ARHGEF38: variants seen among roughly 807,000 people sequenced by gnomAD.
ARHGEF38 encodes Rho guanine nucleotide exchange factor (GEF) 38.
A neutral mutation model predicts 79.9 loss-of-function variants in ARHGEF38; 79 were observed. The ratio of observed to expected loss-of-function variants is 0.99; its 90% CI spans 0.82 to 1.19. ARHGEF38 has a LOEUF of 1.19. Among genes scored for constraint, ARHGEF38 ranks in the 50% most tolerant of loss-of-function variants. The pLI, the probability that ARHGEF38 is intolerant of heterozygous loss-of-function variation, is 0.00. For synonymous variants in ARHGEF38, 366 were observed against 328.3 expected (o/e 1.11, Z -1.24); for missense variants, 962 against 907.2 (o/e 1.06, Z -0.78).
intron 13 of ARHGEF38, among the ~76,000 whole-genome samples, chr4:105,671,824 G>A (rs944912284): frequency 1.4e-4 from 22 of 152,278 alleles, no homozygotes; most frequent in African/African-American, 5.1e-4. Context: ...GCTGAAACTT[G>A]TACTGGCTTA....
At chr4:105,587,185 G>C (rs1727094411) in intron 1 of ARHGEF38, among the ~76,000 whole-genome samples, 1 of 152,156 alleles carries the variant, frequency 6.6e-6, no homozygotes, top group African/African-American at 2.4e-5. Context: ...GCTCACACTT[G>C]TAATCCCAGT....
intron 5 of ARHGEF38, among the ~76,000 whole-genome samples, chr4:105,642,405 A>G (rs1286199003): frequency 6.6e-6 from 1 of 152,172 alleles, no homozygotes; most frequent in Non-Finnish European, 1.5e-5. Context: ...AAATACTATT[A>G]TTGTCATTTG....
intron 2 of ARHGEF38, among the ~76,000 whole-genome samples, chr4:105,592,596 A>G (rs1727391257): frequency 6.6e-6 from 1 of 151,962 alleles, no homozygotes; most frequent in Admixed American, 6.6e-5. Flanking sequence ...GTGAAGTTCA[A>G]TTTTTCGTCT....
At chr4:105,582,029 G>A (rs1244567318) in intron 1 of ARHGEF38, among the ~76,000 whole-genome samples, 1 of 151,956 alleles carries the variant, frequency 6.6e-6, no homozygotes, top group African/African-American at 2.4e-5. Flanking sequence ...GCTGGGTGTG[G>A]TGGCGGGCGC....
intron 1 of ARHGEF38, among the ~76,000 whole-genome samples, chr4:105,558,272 C>T (rs1037250677): frequency 6.6e-6 from 1 of 152,112 alleles, no homozygotes; most frequent in Admixed American, 6.6e-5. Flanking sequence ...TGTCAGGGAG[C>T]AGAAATTAAC....
Position 105,667,702 on chromosome 4 carries a change from A to G in ARHGEF38, c.2147A>G (p.Gln716Arg). ...GACAGTTTTCAAGAAGTAGACGAAC[A>G]GGTAAAAATTTGATGTAAAAATATG... ...DVDSFQEVDE[Q>R]IFYAVHAFQA... Residue 716 changes from glutamine to arginine, a missense_variant and splice_region_variant, in exon 13 of 14, where the codon CAG (glutamine) becomes CGG (arginine). Coordinates refer to ENST00000420470, the MANE Select transcript of ARHGEF38 (RefSeq NM_001242729.2). 6.5e-7 allele frequency: 1 copy of G among 1,536,146 alleles called. No homozygotes were observed. Among genetic ancestry groups the G allele is most frequent in the South Asian group, 1.2e-5 (1 of 84,052 alleles).
intron 5 of ARHGEF38, among the ~76,000 whole-genome samples, chr4:105,638,682 C>G (rs1034109166): frequency 6.6e-6 from 1 of 152,040 alleles, no homozygotes; most frequent in Admixed American, 6.6e-5. Context: ...CACACACATA[C>G]ATTGACTAAA....
At chr4:105,562,105 A>G (rs1560685439) in intron 1 of ARHGEF38, among the ~76,000 whole-genome samples, 1 of 152,278 alleles carries the variant, frequency 6.6e-6, no homozygotes, top group East Asian at 1.9e-4. Flanking sequence ...CTTTTAAGTA[A>G]AAAAGGAAAA....
At chr4:105,587,431 C>T (rs1258958005) in intron 1 of ARHGEF38, among the ~76,000 whole-genome samples, 1 of 152,116 alleles carries the variant, frequency 6.6e-6, no homozygotes, top group South Asian at 2.1e-4. Flanking sequence ...ATTATCTGTT[C>T]TTATATAGCT....
rs138543654 is a variant in ARHGEF38 at position 105,662,327 on chromosome 4, T to C, written c.1545+2962T>C. On this transcript the variant is annotated intron_variant, in intron 10 of 13. Transcript: ENST00000420470. The stretch of plus-strand genomic sequence containing the variant: ...ATGAGCCTTTTGTTGAGATAAAAAT[T>C]GAGACTACTTTTTCCAAGTTAACCT... 6.3e-3 allele frequency among the ~76,000 whole-genome samples: 959 copies of C among 152,244 alleles called. 13 individuals carry two copies. The highest frequency in any genetic ancestry group is 0.021 in the African/African-American group (879 of 41,576).
chr4:105,623,367 T>C (rs1467549757), intron 3 of ARHGEF38, among the ~76,000 whole-genome samples: 2 of 152,194 alleles, frequency 1.3e-5, no homozygotes, highest in African/African-American at 4.8e-5. Flanking sequence ...CAGAGATTGC[T>C]AAGTAATATA....
At chr4:105,646,100 C>T (rs766291041) in intron 6 of ARHGEF38, among the ~76,000 whole-genome samples, 14 of 152,154 alleles carry the variant, frequency 9.2e-5, no homozygotes, top group Non-Finnish European at 1.8e-4. Flanking sequence ...TATTAAATCT[C>T]AGTTTGACAT....
At chr4:105,682,147 C>A (rs1731330649), downstream of ARHGEF38, among the ~76,000 whole-genome samples, 1 of 151,292 alleles carries the variant, frequency 6.6e-6, no homozygotes, top group Non-Finnish European at 1.5e-5. Context: ...AAAGATATAC[C>A]CTTAAATAAT....
chr4:105,655,168 G>A (rs1409884312), intron 8 of ARHGEF38, among the ~76,000 whole-genome samples: 1 of 152,068 alleles, frequency 6.6e-6, no homozygotes, highest in Non-Finnish European at 1.5e-5. Context: ...AATGTCTCTT[G>A]GGAACATCTA....
At position 105,561,463 on chromosome 4, in the gene ARHGEF38, T is replaced by TGG. The variant is rs1308890966; in HGVS notation, c.196+8502_196+8503insGG. ...TAGAATAGAATGGAATAGAATAGAA[T>TGG]AGAATAGAATAGAATAGAATAGAAT... is the stretch of plus-strand genomic sequence containing the variant. On this transcript the variant is annotated intron_variant, in intron 1 of 13. Transcript: ENST00000420470. The TGG allele has an allele frequency of 5.8e-3, 501 of 86,784 alleles. 65 individuals carry two copies. The highest frequency in any genetic ancestry group is 0.017 in the African/African-American group (369 of 21,978). The allele number at this position is 86,784 out of a possible 1,614,324, so 5.4% of individuals were successfully genotyped here. A position where few individuals can be genotyped will look rare whatever the true frequency, so the allele number is the denominator to read the frequency against.
At chr4:105,590,591 C>T (rs1727290156) in intron 2 of ARHGEF38, among the ~76,000 whole-genome samples, 1 of 152,084 alleles carries the variant, frequency 6.6e-6, no homozygotes, top group Admixed American at 6.5e-5. Flanking sequence ...TAATATTTTT[C>T]AATATCTGTC....
At chr4:105,609,665 T>C (rs1444171508) in intron 2 of ARHGEF38, among the ~76,000 whole-genome samples, 3 of 151,892 alleles carry the variant, frequency 2.0e-5, no homozygotes, top group Non-Finnish European at 4.4e-5. Flanking sequence ...TTGAGCAAAA[T>C]GAACAACGCT....
intron 2 of ARHGEF38, among the ~76,000 whole-genome samples, chr4:105,608,552 T>G (rs892423156): frequency 6.6e-6 from 1 of 152,056 alleles, no homozygotes; most frequent in Non-Finnish European, 1.5e-5. Flanking sequence ...CAAACATTTA[T>G]CATTTCTTTT....
At chr4:105,574,333 G>T (rs1354353191) in intron 1 of ARHGEF38, among the ~76,000 whole-genome samples, 2 of 152,046 alleles carry the variant, frequency 1.3e-5, no homozygotes, top group South Asian at 4.1e-4. Flanking sequence ...GGATCCCGGG[G>T]TCAGGAGTTC....
Sources: allele counts gnomAD v4.1 joint callset (sites outside exome capture counted in the v4.1 genomes callset), GRCh38; gene constraint gnomAD v4.1.1; transcripts MANE v1.5; gene names NCBI Gene and HGNC (gene_info 2026-07-23, HGNC 2026-07-21).